The following PMPCB variants were observed in gnomAD, a reference collection of about 807,000 sequenced individuals.
PMPCB encodes the protein mitochondrial-processing peptidase subunit beta.
In PMPCB, 46 loss-of-function variants were observed where a neutral mutation model predicts 61.5. That is an observed-to-expected ratio of 0.75 (90% CI 0.59 to 0.96). The LOEUF is 0.96. PMPCB is among the 40% of genes least tolerant of loss of function. The probability of loss-of-function intolerance (pLI) is 0.00; values close to 1 mark genes in which losing one functional copy is unlikely to be tolerated. For synonymous variants in PMPCB, 191 were observed against 201.6 expected, an observed-to-expected ratio of 0.95 and a Z score of 0.44; for missense variants, 590 against 602.4, an observed-to-expected ratio of 0.98 and a Z score of 0.22.
chr7:103,327,949 T>C (rs923183524), intron 12 of PMPCB, among the ~76,000 whole-genome samples: 1 of 152,168 alleles, frequency 6.6e-6, no homozygotes, highest in Admixed American at 6.5e-5. Context: ...AGACAGAGTT[T>C]TGCTCTTGTT....
chr7:103,307,805 G>T (rs1817629270), intron 7 of PMPCB, 97 bp downstream of exon 7: 3 of 703,950 alleles, frequency 4.3e-6, no homozygotes, highest in Middle Eastern at 2.4e-4. Context: ...AGTAGGAAAA[G>T]AATGGAATAA....
In PMPCB at chr7:103,300,223, A is replaced by T. The variant is rs764318915; in HGVS notation, c.373A>T (p.Asn125Tyr). The change falls in exon 4 of 13, where the codon AAT (asparagine) becomes TAT (tyrosine). Residue 125 changes from asparagine (N) to tyrosine (Y), a missense_variant. By Grantham distance (143) the Asn-to-Tyr change is moderately radical (BLOSUM62 -2). Coordinates refer to ENST00000249269, the MANE Select transcript of PMPCB (RefSeq NM_004279.3). The stretch of plus-strand genomic sequence containing the variant: ...GTTAGATCTGGAACTTGAGATTGAA[A>T]ATATGGGTGCTCATCTCAATGCCTA... ...SQLDLELEIENMGAHLNAYTS... is the reference protein window; with the variant it reads ...SQLDLELEIEYMGAHLNAYTS... The T allele has an allele frequency of 6.2e-7, 1 of 1,612,858 alleles. No homozygotes were observed. Among genetic ancestry groups the T allele is most frequent in the Admixed American group, 1.7e-5 (1 of 59,984 alleles).
At chr7:103,318,855 A>G (rs1382816754), downstream of PMPCB, among the ~76,000 whole-genome samples, 1 of 152,262 alleles carries the variant, frequency 6.6e-6, no homozygotes, top group Non-Finnish European at 1.5e-5. Flanking sequence ...ACCACAAATC[A>G]AACACTAAGT....
Position 103,304,001 on chromosome 7 carries a change from C to G in PMPCB, c.617C>G (p.Ala206Gly), listed in dbSNP as rs1458432580. 1.9e-6 allele frequency: 3 copies of G among 1,613,848 alleles called. No homozygotes were observed. The highest frequency in any genetic ancestry group is 2.2e-5 in the East Asian group (1 of 44,860). The change falls in exon 5 of 13, where the codon GCA (alanine) becomes GGA (glycine). Residue 206 changes from alanine (A) to glycine (G), a missense_variant. By Grantham distance (60) the Ala-to-Gly change is moderately conservative. Coordinates refer to ENST00000249269, the MANE Select transcript of PMPCB (RefSeq NM_004279.3). ...YLHATAYQNT[A>G]LGRTILGPTE... ...CATGCCACAGCTTATCAAAATACTG[C>G]ACTTGGACGGACAATTTTGGGACCA...
At position 103,311,882 on chromosome 7, in the gene PMPCB, G is replaced by A. The variant is rs772550054; in HGVS notation, c.1315G>A (p.Glu439Lys). ...YNRRIPIPEL[E>K]ARIDAVNAET... Reference sequence around the variant, plus strand: ...TAGAAGGATTCCCATCCCTGAGCTTGAAGCAAGAATTGATGTAAGTAGTCC... The same window carrying A: ...TAGAAGGATTCCCATCCCTGAGCTTAAAGCAAGAATTGATGTAAGTAGTCC... Residue 439 changes from glutamate (E) to lysine (K), a missense_variant, in exon 11 of 13, where the codon GAA becomes AAA. Glu to Lys is a moderately conservative substitution (Grantham distance 56). Transcript: ENST00000249269. 1 of 1,609,960 alleles carries A rather than the reference G, an allele frequency of 6.2e-7. No individual in the cohort carries two copies. Among genetic ancestry groups the A allele is most frequent in the South Asian group, 1.1e-5 (1 of 90,716 alleles).
At position 103,313,662 on chromosome 7, in the gene PMPCB, T is replaced by TTCGTCACATCTGC; in HGVS notation, c.*1393_*1405dup. 1.0e-6 allele frequency: 1 copy of TTCGTCACATCTGC among 985,456 alleles called. No homozygotes were observed. Among genetic ancestry groups the TTCGTCACATCTGC allele is most frequent in the Non-Finnish European group, 1.2e-6 (1 of 829,926 alleles). The allele number at this position is 985,456 out of a possible 1,614,324, so 61.0% of individuals were successfully genotyped here. On this transcript the variant is annotated 3_prime_UTR_variant, in exon 13 of 13. Transcript: ENST00000249269. ...GATTGTGTTGTAGTGTGGTGTTCTC[T>TTCGTCACATCTGC]TCGTCACATCTGCTAAAATCTTGGG...
At chr7:103,298,337 C>T (rs762209214) in intron 1 of PMPCB, among the ~76,000 whole-genome samples, 2 of 151,876 alleles carry the variant, frequency 1.3e-5, no homozygotes, top group Admixed American at 6.6e-5. Flanking sequence ...AATAATTGCT[C>T]ATCTTCCCTG....
At chr7:103,337,571 C>T in the PMPCB span, 4 of 567,912 alleles carry the variant, frequency 7.0e-6, no homozygotes, top group East Asian at 1.2e-4. Flanking sequence ...TCTTCTGATT[C>T]TGAAGGCAGG....
chr7:103,336,148 C>T, the PMPCB span: 3 of 152,160 alleles, frequency 2.0e-5, no homozygotes, highest in African/African-American at 7.2e-5. Flanking sequence ...GCCTGCGCAA[C>T]AAGTACGAAA....
intron 9 of PMPCB, 111 bp from the exon 10 acceptor site, chr7:103,311,527 GAATTA>G (rs1817751829): frequency 1.4e-6 from 1 of 692,888 alleles, no homozygotes; most frequent in Non-Finnish European, 2.5e-6. Flanking sequence ...CTTAGCATTG[GAATTA>G]AATTGTAATC....
the PMPCB span, chr7:103,341,870 A>G: frequency 3.7e-6 from 6 of 1,613,240 alleles, no homozygotes; most frequent in Non-Finnish European, 4.2e-6. Context: ...CAGTTCCTGA[A>G]AAGAGGCAGA....
chr7:103,303,256 A>G (rs1363882513), intron 4 of PMPCB, among the ~76,000 whole-genome samples: 6 of 152,330 alleles, frequency 3.9e-5, no homozygotes, highest in Admixed American at 1.3e-4. Context: ...AGCAGGGACT[A>G]CGGGCACATG....
downstream of PMPCB, chr7:103,317,139 C>G (rs1818116581): frequency 2.2e-5 from 18 of 808,148 alleles, no homozygotes; most frequent in South Asian, 3.1e-4. Context: ...CCATACTCCT[C>G]TCAGGCCAAC....
the PMPCB span, chr7:103,341,926 C>A: frequency 3.7e-6 from 6 of 1,607,896 alleles, no homozygotes; most frequent in Non-Finnish European, 5.1e-6. Context: ...ACCATCTTCC[C>A]ACAGGTTCAA....
the PMPCB span, among the ~76,000 whole-genome samples, chr7:103,340,621 C>T: frequency 3.3e-5 from 5 of 152,208 alleles, no homozygotes; most frequent in Admixed American, 1.3e-4. Context: ...TTCCCAAGGT[C>T]GAAGTGCACC....
At chr7:103,341,786 G>A in the PMPCB span, 1 of 1,589,172 alleles carries the variant, frequency 6.3e-7, no homozygotes, top group East Asian at 2.3e-5. Context: ...GGGATCAAGT[G>A]TTTTCAGCAT....
chr7:103,302,989 AG>A (rs1284360872), intron 4 of PMPCB, among the ~76,000 whole-genome samples: 1 of 152,102 alleles, frequency 6.6e-6, no homozygotes, highest in Non-Finnish European at 1.5e-5. Context: ...AATGAAGCAC[AG>A]TTTTTTTTTT....
Position 103,311,896 on chromosome 7 carries a change from T to G in PMPCB, c.1329T>G (p.Asp443Glu), listed in dbSNP as rs1197006768. The part of the protein sequence containing the change: ...IPIPELEARI[D>E]AVNAETIREV... ...TCCCTGAGCTTGAAGCAAGAATTGA[T>G]GTAAGTAGTCCTGAGTTACTATTGG... Residue 443 changes from aspartate to glutamate, a missense_variant and splice_region_variant, in exon 11 of 13, where the codon GAT becomes GAG. Coordinates refer to ENST00000249269, the MANE Select transcript of PMPCB (RefSeq NM_004279.3). 6.3e-7 allele frequency: 1 copy of G among 1,598,606 alleles called. No homozygotes were observed. Among genetic ancestry groups the G allele is most frequent in the South Asian group, 1.1e-5 (1 of 90,326 alleles).
intron 12 of PMPCB, chr7:103,319,737 A>G: frequency 6.2e-7 from 1 of 1,614,202 alleles, no homozygotes; most frequent in Non-Finnish European, 8.5e-7. Context: ...AGACTTCAAT[A>G]GCAGTTCCAT....
Sources: allele counts gnomAD v4.1 joint callset (sites outside exome capture counted in the v4.1 genomes callset), GRCh38; gene constraint gnomAD v4.1.1; transcripts MANE v1.5; gene names NCBI Gene and HGNC (gene_info 2026-07-23, HGNC 2026-07-21).